PACSIN2: variants seen among roughly 807,000 people sequenced by gnomAD.
PACSIN2 encodes protein kinase C and casein kinase substrate in neurons protein 2.
PACSIN2 carries 25 observed loss-of-function variants against 63.8 expected under a neutral mutation model. That is an observed-to-expected ratio of 0.39 (90% CI 0.29 to 0.55). PACSIN2 has a LOEUF of 0.55. Ranked by LOEUF, PACSIN2 falls within the 20% of genes least tolerant of loss-of-function variation. PACSIN2 has a pLI of 0.62. For missense variants in PACSIN2, 518 were observed against 646.9 expected, an observed-to-expected ratio of 0.80 and a Z score of 2.16; for synonymous variants, 255 against 256.2, an observed-to-expected ratio of 1.00 and a Z score of 0.05.
chr22:42,958,418 A>C (rs894914731), intron 1 of PACSIN2, among the ~76,000 whole-genome samples: 16 of 152,230 alleles, frequency 1.1e-4, no homozygotes, highest in East Asian at 1.9e-4. Flanking sequence ...TTTAAAAAGA[A>C]AAAAGGAAGG....
chr22:42,982,888 A>AAAAAAAAAAAAAAAAAAAAAAAAAAAAC (rs759532303), intron 1 of PACSIN2, among the ~76,000 whole-genome samples: 2 of 105,212 alleles, frequency 1.9e-5, no homozygotes, highest in Non-Finnish European at 4.2e-5. Flanking sequence ...AAAAAAAAAA[A>AAAAAAAAAAAAAAAAAAAAAAAAAAAAC]AACAACAACA....
intron 1 of PACSIN2, among the ~76,000 whole-genome samples, chr22:42,943,052 G>A (rs574067062): frequency 6.6e-6 from 1 of 152,036 alleles, no homozygotes; most frequent in Non-Finnish European, 1.5e-5. Context: ...ATTTATTCAG[G>A]TCCTTTTAAA....
At position 42,987,688 on chromosome 22, in the gene PACSIN2, C is replaced by T. The variant is rs568661476; in HGVS notation, c.-78+27333G>A. 3.1e-3 allele frequency among the ~76,000 whole-genome samples: 467 copies of T among 151,796 alleles called. 3 individuals are homozygous for T. The highest frequency in any genetic ancestry group is 0.011 in the African/African-American group (459 of 41,368). On this transcript the variant is annotated intron_variant, in intron 1 of 10. Coordinates refer to ENST00000263246, the MANE Select transcript of PACSIN2 (RefSeq NM_001184970.3). Reference sequence around the variant, plus strand: ...CTGGGACTACAGGTGCGCACCACCACACCCGGCTAATTTTTTGTATTTTTA... The same window carrying T: ...CTGGGACTACAGGTGCGCACCACCATACCCGGCTAATTTTTTGTATTTTTA...
intron 1 of PACSIN2, among the ~76,000 whole-genome samples, chr22:42,978,893 T>C (rs1296932800): frequency 5.9e-5 from 9 of 152,120 alleles, no homozygotes; most frequent in African/African-American, 2.2e-4. Context: ...AACAATTGTT[T>C]CTCCCCTGGC....
At chr22:42,954,796 T>C (rs1318172914) in intron 1 of PACSIN2, among the ~76,000 whole-genome samples, 2 of 152,004 alleles carry the variant, frequency 1.3e-5, no homozygotes, top group Admixed American at 6.6e-5. Flanking sequence ...TGCCAGGGAA[T>C]GGGGGATGGG....
At chr22:42,929,753 C>T (rs1474650756) in intron 1 of PACSIN2, among the ~76,000 whole-genome samples, 1 of 152,240 alleles carries the variant, frequency 6.6e-6, no homozygotes, top group Non-Finnish European at 1.5e-5. Context: ...CAGAGCCCTG[C>T]CCTTTCAGGT....
At chr22:42,956,635 G>A (rs1477966834) in intron 1 of PACSIN2, among the ~76,000 whole-genome samples, 1 of 152,158 alleles carries the variant, frequency 6.6e-6, no homozygotes, top group African/African-American at 2.4e-5. Context: ...TCTTAGAGAA[G>A]GTTCTGAGGC....
chr22:42,919,794 A>AAAAGAAAGAAAG (rs1555917999), intron 1 of PACSIN2, among the ~76,000 whole-genome samples: 7 of 105,282 alleles, frequency 6.6e-5, no homozygotes, highest in East Asian at 5.2e-4. Context: ...AAAAAAAAAA[A>AAAAGAAAGAAAG]AAAGAAAGAA....
intron 1 of PACSIN2, among the ~76,000 whole-genome samples, chr22:42,917,325 G>A (rs1601516086): frequency 6.6e-6 from 1 of 152,050 alleles, no homozygotes; most frequent in East Asian, 1.9e-4. Flanking sequence ...ACTAAATATC[G>A]GTCAGACACG....
At chr22:43,005,524 T>C (rs2146924459) in intron 1 of PACSIN2, among the ~76,000 whole-genome samples, 1 of 151,666 alleles carries the variant, frequency 6.6e-6, no homozygotes, top group Admixed American at 6.6e-5. Flanking sequence ...ATGAGGGGAG[T>C]CCATGCAGGG....
At chr22:42,933,180 C>G (rs988010827) in intron 1 of PACSIN2, among the ~76,000 whole-genome samples, 6 of 152,218 alleles carry the variant, frequency 3.9e-5, no homozygotes, top group Non-Finnish European at 8.8e-5. Context: ...AAGTTGAGGT[C>G]TAAGACTTTA....
chr22:42,940,256 C>A (rs556267667), intron 1 of PACSIN2, among the ~76,000 whole-genome samples: 1 of 152,238 alleles, frequency 6.6e-6, no homozygotes, highest in African/African-American at 2.4e-5. Flanking sequence ...TCATTTTACA[C>A]CAAAAATAGA....
At position 42,870,975 on chromosome 22, in the gene PACSIN2, C is replaced by A; in HGVS notation, c.*382G>T. ...ATCTTCACTCAAAATGGGATGTAAG[C>A]TTGTTCATTTAAGTTGCAGGTGATG... On this transcript the variant is annotated 3_prime_UTR_variant, in exon 11 of 11. Coordinates refer to ENST00000263246, the MANE Select transcript of PACSIN2 (RefSeq NM_001184970.3). 4.6e-6 allele frequency: 1 copy of A among 218,920 alleles called. No homozygotes were observed. The highest frequency in any genetic ancestry group is 9.3e-6 in the Non-Finnish European group (1 of 108,096). The allele number at this position is 218,920 out of a possible 1,614,324, so 13.6% of individuals were successfully genotyped here.
chr22:42,943,215 T>C (rs1207467967), intron 1 of PACSIN2, among the ~76,000 whole-genome samples: 5 of 152,232 alleles, frequency 3.3e-5, no homozygotes, highest in Admixed American at 6.5e-5. Flanking sequence ...TATAGAAATA[T>C]CGTTATTTTT....
chr22:43,004,451 T>G (rs1009198964), intron 1 of PACSIN2, among the ~76,000 whole-genome samples: 6 of 152,136 alleles, frequency 3.9e-5, no homozygotes, highest in Non-Finnish European at 2.9e-5. Flanking sequence ...ATTGCTTAAT[T>G]AAAGCATCAC....
At chr22:42,908,627 C>T (rs950600904) in intron 2 of PACSIN2, among the ~76,000 whole-genome samples, 4 of 152,206 alleles carry the variant, frequency 2.6e-5, no homozygotes, top group African/African-American at 9.6e-5. Flanking sequence ...GCTGAGGGAG[C>T]GACCCACCTG....
In PACSIN2 at chr22:42,870,371, CCA is replaced by C. The variant is rs1928008313; in HGVS notation, c.*984_*985del. The C allele has an allele frequency of 6.6e-6, 1 of 152,158 alleles. No homozygotes were observed. The highest frequency in any genetic ancestry group is 1.5e-5 in the Non-Finnish European group (1 of 68,040). The allele number at this position is 152,158 out of a possible 1,614,324, so 9.4% of individuals were successfully genotyped here. ...GGCCAGCCAGACGTGTGCCTGAATG[CCA>C]CAGACTTCAAGCAGTTTACAAACGA... On this transcript the variant is annotated 3_prime_UTR_variant, in exon 11 of 11. Transcript: ENST00000263246.
At chr22:42,946,179 A>G (rs181309390) in intron 1 of PACSIN2, among the ~76,000 whole-genome samples, 21 of 152,368 alleles carry the variant, frequency 1.4e-4, no homozygotes, top group Non-Finnish European at 2.1e-4. Context: ...AATCCTTCCA[A>G]TTACTTTTAT....
At chr22:42,919,131 G>A (rs1292994494) in intron 1 of PACSIN2, among the ~76,000 whole-genome samples, 2 of 152,310 alleles carry the variant, frequency 1.3e-5, no homozygotes, top group Middle Eastern at 3.4e-3. Flanking sequence ...TATGTAAAAT[G>A]TGTATTTAAT....
Sources: allele counts gnomAD v4.1 joint callset (sites outside exome capture counted in the v4.1 genomes callset), GRCh38; gene constraint gnomAD v4.1.1; transcripts MANE v1.5; gene names NCBI Gene and HGNC (gene_info 2026-07-23, HGNC 2026-07-21).